The following PROS1 variants were observed in gnomAD, a reference collection of about 807,000 sequenced individuals.
The protein encoded by PROS1 is protein S, also known as vitamin K-dependent protein S.
A neutral mutation model predicts 75.9 loss-of-function variants in PROS1; 29 were observed. That is an observed-to-expected ratio of 0.38 (90% CI 0.28 to 0.52). PROS1 has a LOEUF of 0.52. Ranked by LOEUF, PROS1 falls within the 20% of genes least tolerant of loss-of-function variation. The pLI is 0.83. For missense variants in PROS1, 680 were observed against 810.3 expected, an observed-to-expected ratio of 0.84 and a Z score of 1.95; for synonymous variants, 245 against 280.6, an observed-to-expected ratio of 0.87 and a Z score of 1.27.
chr3:93,874,371 A>C lies in PROS1; in HGVS notation c.1905T>G (p.Phe635Leu), dbSNP rs1387117194. The C allele has an allele frequency of 6.2e-7, 1 of 1,613,314 alleles. No individual in the cohort carries two copies. The highest frequency in any genetic ancestry group is 1.3e-5 in the African/African-American group (1 of 74,918). Residue 635 changes from phenylalanine (F) to leucine (L), a missense_variant, in exon 15 of 15, where the codon TTT becomes TTG. Coordinates refer to ENST00000394236, the MANE Select transcript of PROS1 (RefSeq NM_000313.4). ...VPFSATPVNA[F>L]YNGCMEVNIN... Reference sequence around the variant, plus strand: ...TATTCACTTCCATGCAGCCATTATAAAAGGCATTCACTGGTGTGGCACTGA... The same window carrying C: ...TATTCACTTCCATGCAGCCATTATACAAGGCATTCACTGGTGTGGCACTGA...
intron 3 of PROS1, among the ~76,000 whole-genome samples, chr3:93,912,552 G>T (rs1014314466): frequency 3.9e-5 from 6 of 152,066 alleles, no homozygotes; most frequent in African/African-American, 1.4e-4. Context: ...ACACATTGTG[G>T]GGGTGTTTCT....
At chr3:93,926,923 G>A (rs568714986) in intron 2 of PROS1, among the ~76,000 whole-genome samples, 3 of 146,506 alleles carry the variant, frequency 2.0e-5, no homozygotes, top group South Asian at 4.3e-4. Flanking sequence ...TCCTTTAAAG[G>A]TACTTCCTCT....
chr3:93,921,859 C>T (rs1171464203), intron 3 of PROS1, among the ~76,000 whole-genome samples: 1 of 152,108 alleles, frequency 6.6e-6, no homozygotes, highest in South Asian at 2.1e-4. Context: ...TTTGTTAATG[C>T]TCACTTTTGT....
Position 93,973,858 on chromosome 3 carries a change from G to T in PROS1, c.-109C>A, listed in dbSNP as rs1009672929. 1.3e-5 allele frequency: 11 copies of T among 876,396 alleles called. No homozygotes were observed. Among genetic ancestry groups the T allele is most frequent in the East Asian group, 1.1e-4 (3 of 28,316 alleles). 54.3% of individuals were successfully genotyped at this position (876,396 alleles called of 1,614,324 possible). ...TGTGCGCCTCGGTCTGAGCCGTGCTGCGCGGCGGCGCCAGCGACCCAGCGA... is the reference window on the plus strand; with the variant it reads ...TGTGCGCCTCGGTCTGAGCCGTGCTTCGCGGCGGCGCCAGCGACCCAGCGA... On this transcript the variant is annotated 5_prime_UTR_variant, in exon 1 of 15. Coordinates refer to ENST00000394236, the MANE Select transcript of PROS1 (RefSeq NM_000313.4).
Position 93,949,213 on chromosome 3 carries a change from A to T in PROS1, c.77-21806T>A, listed in dbSNP as rs530082361. Among the ~76,000 whole-genome samples the T allele has an allele frequency of 7.2e-5, 11 of 152,308 alleles. No individual in the cohort carries two copies. In the South Asian group the frequency reaches 2.3e-3, roughly 32 times the overall value. On this transcript the variant is annotated intron_variant, in intron 1 of 14. Coordinates refer to ENST00000394236, the MANE Select transcript of PROS1 (RefSeq NM_000313.4). ...TAAGCAGACAATATTAGGCAGTGCC[A>T]CACCACAATAGGAACCTTAATATAT...
intron 7 of PROS1, among the ~76,000 whole-genome samples, chr3:93,899,420 T>A (rs1708552052): frequency 6.6e-6 from 1 of 152,106 alleles, no homozygotes; most frequent in African/African-American, 2.4e-5. Flanking sequence ...AAATTAATAA[T>A]CCTTAGTATT....
chr3:93,886,436 T>C lies in PROS1; in HGVS notation c.1223A>G (p.Asn408Ser). Reference sequence around the variant, plus strand: ...CGGCTTAAAAAGGGGTCCAGGTTTATTTATATCCATCACAGCTTCTTTAGC... The same window carrying C: ...CGGCTTAAAAAGGGGTCCAGGTTTACTTATATCCATCACAGCTTCTTTAGC... ...KIAKEAVMDI[N>S]KPGPLFKPEN... Residue 408 changes from asparagine (N) to serine (S), a missense_variant, in exon 11 of 15, where the codon AAT becomes AGT. By Grantham distance (46) the Asn-to-Ser change is conservative. Coordinates refer to ENST00000394236, the MANE Select transcript of PROS1 (RefSeq NM_000313.4). 1 of 1,613,142 alleles carries C rather than the reference T, an allele frequency of 6.2e-7. No individual in the cohort carries two copies. The highest frequency in any genetic ancestry group is 8.5e-7 in the Non-Finnish European group (1 of 1,179,138).
chr3:93,874,441 C>A, intron 14 of PROS1, 36 bp from the exon 15 acceptor site: 1 of 1,609,500 alleles, frequency 6.2e-7, no homozygotes, highest in Non-Finnish European at 8.5e-7. Flanking sequence ...TAGTCCAAGA[C>A]TTTTAGCATC....
At chr3:93,958,664 G>A (rs1373241741) in intron 1 of PROS1, 1 of 152,208 alleles carries the variant, frequency 6.6e-6, no homozygotes, top group East Asian at 1.9e-4. Flanking sequence ...CACTGGGGTG[G>A]TTTCCCCCAT....
intron 1 of PROS1, among the ~76,000 whole-genome samples, chr3:93,927,871 A>G (rs1452340158): frequency 7.1e-4 from 94 of 133,120 alleles, no homozygotes; most frequent in African/African-American, 2.5e-3. Context: ...ATATATATAT[A>G]TATGTGTGTA....
intron 1 of PROS1, among the ~76,000 whole-genome samples, chr3:93,942,476 C>T (rs1046501443): frequency 2.6e-5 from 4 of 152,152 alleles, no homozygotes; most frequent in African/African-American, 9.7e-5. Flanking sequence ...GGCATCAGAT[C>T]CCATCGCTCA....
At chr3:93,902,104 A>G (rs1231640550) in intron 6 of PROS1, among the ~76,000 whole-genome samples, 2 of 152,194 alleles carry the variant, frequency 1.3e-5, no homozygotes, top group South Asian at 4.1e-4. Context: ...CCTGAGCAAC[A>G]TGGTGGAACC....
At chr3:93,927,473 A>G in intron 1 of PROS1, 66 bp from the exon 2 acceptor site, 1 of 1,500,968 alleles carries the variant, frequency 6.7e-7, no homozygotes. Context: ...GTTTTATTAA[A>G]CAATAAGAGT....
At chr3:93,941,566 C>T (rs1709288788) in intron 1 of PROS1, among the ~76,000 whole-genome samples, 2 of 152,210 alleles carry the variant, frequency 1.3e-5, no homozygotes, top group African/African-American at 4.8e-5. Context: ...CCTTTGCCCA[C>T]TCCTCTTTCC....
At chr3:93,935,444 A>G (rs1709168203) in intron 1 of PROS1, among the ~76,000 whole-genome samples, 4 of 152,168 alleles carry the variant, frequency 2.6e-5, no homozygotes, top group African/African-American at 9.7e-5. Flanking sequence ...TTTTGTTACA[A>G]TTACATCAAT....
At chr3:93,911,658 T>C (rs1193902446) in intron 3 of PROS1, among the ~76,000 whole-genome samples, 1 of 152,188 alleles carries the variant, frequency 6.6e-6, no homozygotes, top group Non-Finnish European at 1.5e-5. Flanking sequence ...CATCTCTCTT[T>C]CCATATGATA....
At chr3:93,914,031 C>T (rs188126591) in intron 3 of PROS1, among the ~76,000 whole-genome samples, 4 of 152,364 alleles carry the variant, frequency 2.6e-5, no homozygotes, top group Non-Finnish European at 4.4e-5. Context: ...TCTGAGCACA[C>T]AGGGGTAGGG....
At chr3:93,941,797 T>G (rs1255961211) in intron 1 of PROS1, among the ~76,000 whole-genome samples, 2 of 152,208 alleles carry the variant, frequency 1.3e-5, no homozygotes, top group Non-Finnish European at 2.9e-5. Context: ...CCATAACACT[T>G]TTAGAGGCCC....
intron 1 of PROS1, among the ~76,000 whole-genome samples, chr3:93,957,599 T>G (rs1709624447): frequency 6.6e-6 from 1 of 152,172 alleles, no homozygotes; most frequent in African/African-American, 2.4e-5. Flanking sequence ...TTTGAAGTGA[T>G]GGATATGCTA....
Sources: gnomAD v4.1 joint callset for allele counts (sites outside exome capture counted in the v4.1 genomes callset) on GRCh38, gnomAD v4.1.1 for gene constraint, MANE v1.5 for transcripts, NCBI Gene and HGNC (gene_info 2026-07-23, HGNC 2026-07-21) for gene names.